Variants in ITGAV observed in about 807,000 individuals in gnomAD.
ITGAV encodes the protein integrin alpha-V.
ITGAV carries 76 observed loss-of-function variants against 143.8 expected under a neutral mutation model. That is an observed-to-expected ratio of 0.53 (90% CI 0.44 to 0.64). The LOEUF (loss-of-function observed/expected upper bound fraction) is 0.64. Among genes scored for constraint, ITGAV ranks in the 30% least tolerant of loss-of-function variants. ITGAV has a pLI of 0.00. For missense variants in ITGAV, 1,193 were observed against 1,274.7 expected, an observed-to-expected ratio of 0.94 and a Z score of 0.98; for synonymous variants, 453 against 446.7, an observed-to-expected ratio of 1.01 and a Z score of -0.18.
intron 5 of ITGAV, among the ~76,000 whole-genome samples, 176 bp downstream of exon 5, chr2:186,631,034 A>C (rs546183898): frequency 3.3e-5 from 5 of 152,272 alleles, no homozygotes; most frequent in African/African-American, 1.2e-4. Flanking sequence ...TTCCCTCCCT[A>C]GTAAACATTG....
intron 15 of ITGAV, among the ~76,000 whole-genome samples, chr2:186,652,363 A>T (rs1012493117): frequency 2.6e-5 from 4 of 152,046 alleles, no homozygotes; most frequent in African/African-American, 7.3e-5. Flanking sequence ...CTAATTTTTT[A>T]AATTTTTTTA....
At chr2:186,637,482 A>T (rs1353790158) in intron 8 of ITGAV, among the ~76,000 whole-genome samples, 1 of 16,606 alleles carries the variant, frequency 6.0e-5, no homozygotes, top group African/African-American at 3.6e-4. Flanking sequence ...ACCCTGTCTC[A>T]AAAAAAAAAA....
chr2:186,676,991 G>A (rs988546032), intron 29 of ITGAV, 56 bp downstream of exon 29: 15 of 1,562,390 alleles, frequency 9.6e-6, no homozygotes, highest in African/African-American at 1.4e-5. Context: ...AAGGGAAAGG[G>A]AAGAAGGAAA....
chr2:186,626,651 T>TA (rs1402066115), intron 4 of ITGAV, among the ~76,000 whole-genome samples: 3 of 152,218 alleles, frequency 2.0e-5, no homozygotes, highest in Non-Finnish European at 2.9e-5. Flanking sequence ...ATTATTTCAA[T>TA]AAACACTTAT....
intron 2 of ITGAV, among the ~76,000 whole-genome samples, chr2:186,620,624 A>G (rs529190066): frequency 1.2e-4 from 18 of 152,290 alleles, no homozygotes; most frequent in Non-Finnish European, 2.1e-4. Context: ...TTAGCCAGGC[A>G]TGGTGGCATG....
At chr2:186,591,671 C>T (rs554648470) in intron 1 of ITGAV, among the ~76,000 whole-genome samples, 1 of 152,302 alleles carries the variant, frequency 6.6e-6, no homozygotes, top group East Asian at 1.9e-4. Flanking sequence ...TTAGGACACT[C>T]AGCAGAATTT....
intron 1 of ITGAV, chr2:186,600,528 T>C: frequency 1.9e-6 from 2 of 1,074,594 alleles, no homozygotes; most frequent in Non-Finnish European, 2.6e-6. Context: ...CTGCTCTGTC[T>C]AAAGAAGGTC....
intron 26 of ITGAV, among the ~76,000 whole-genome samples, chr2:186,670,440 A>G (rs1245326541): frequency 6.6e-6 from 1 of 152,114 alleles, no homozygotes; most frequent in Non-Finnish European, 1.5e-5. Context: ...AGCTAGGACT[A>G]TAGGCGCTCT....
intron 14 of ITGAV, among the ~76,000 whole-genome samples, chr2:186,650,432 T>C (rs1366226198): frequency 6.6e-6 from 1 of 152,184 alleles, no homozygotes; most frequent in Non-Finnish European, 1.5e-5. Flanking sequence ...ACTCCTGGCC[T>C]GAAGTGATAC....
intron 28 of ITGAV, among the ~76,000 whole-genome samples, chr2:186,676,472 C>T (rs1215196040): frequency 1.3e-5 from 2 of 152,014 alleles, no homozygotes; most frequent in Admixed American, 1.3e-4. Context: ...GGTATAGTGG[C>T]GCAGGCCTGT....
intron 1 of ITGAV, among the ~76,000 whole-genome samples, chr2:186,599,407 TC>T (rs1686835464): frequency 6.6e-6 from 1 of 152,238 alleles, no homozygotes; most frequent in African/African-American, 2.4e-5. Flanking sequence ...AGGCAGGGCT[TC>T]AGACTACAAC....
rs1258608588 is a variant in ITGAV, at chr2:186,678,275, C to T, written c.*983C>T. The T allele has an allele frequency of 6.5e-6, 1 of 153,628 alleles. No individual in the cohort carries two copies. 9.5% of individuals were successfully genotyped at this position (153,628 alleles called of 1,614,324 possible). On this transcript the variant is annotated 3_prime_UTR_variant, in exon 30 of 30. Transcript: ENST00000261023. ...TAGTATTAATTTATTTTCCTCCATTCATGTACTTTTCCTTATATTTCCAAA... is the reference window on the plus strand; with the variant it reads ...TAGTATTAATTTATTTTCCTCCATTTATGTACTTTTCCTTATATTTCCAAA...
chr2:186,627,690 C>T (rs1320995673), intron 4 of ITGAV, among the ~76,000 whole-genome samples: 1 of 152,116 alleles, frequency 6.6e-6, no homozygotes, highest in Non-Finnish European at 1.5e-5. Flanking sequence ...GATGTGTTAT[C>T]TATAATCATC....
At chr2:186,671,311 C>G (rs958352736) in intron 26 of ITGAV, among the ~76,000 whole-genome samples, 1 of 152,112 alleles carries the variant, frequency 6.6e-6, no homozygotes, top group African/African-American at 2.4e-5. Context: ...CTTCCTGCCT[C>G]TCTGCTTGCA....
At chr2:186,639,107 A>G (rs1488891540) in intron 10 of ITGAV, among the ~76,000 whole-genome samples, 1 of 152,114 alleles carries the variant, frequency 6.6e-6, no homozygotes, top group Non-Finnish European at 1.5e-5. Flanking sequence ...TTTTTACTAC[A>G]TGAAATAAGA....
intron 12 of ITGAV, among the ~76,000 whole-genome samples, chr2:186,643,197 A>T (rs1005203195): frequency 1.6e-4 from 24 of 152,324 alleles, no homozygotes; most frequent in African/African-American, 5.8e-4. Context: ...CATTACTGTG[A>T]TCTAGCCAAC....
At chr2:186,673,965 C>T (rs965297341) in intron 26 of ITGAV, among the ~76,000 whole-genome samples, 2 of 151,952 alleles carry the variant, frequency 1.3e-5, no homozygotes, top group African/African-American at 4.8e-5. Flanking sequence ...GCCACTGTGC[C>T]TGGTCTATTT....
chr2:186,624,145 T>C (rs1351422159), intron 3 of ITGAV, among the ~76,000 whole-genome samples: 12 of 152,188 alleles, frequency 7.9e-5, no homozygotes, highest in Admixed American at 7.9e-4. Flanking sequence ...TTCCAAATTA[T>C]TTCAGTTAGT....
In ITGAV at chr2:186,668,867, G is replaced by A; in HGVS notation, c.2539G>A (p.Asp847Asn). ...GTTGTATATCCTTCATTATGATATT[G>A]ATGGACCAATGAACTGCACTTCAGA... Reference protein sequence around the residue: ...TLLYILHYDIDGPMNCTSDME... With the variant: ...TLLYILHYDINGPMNCTSDME... The change falls in exon 25 of 30, where the codon GAT becomes AAT. Residue 847 changes from aspartate (D) to asparagine (N), a missense_variant. Asp to Asn is a conservative substitution (Grantham distance 23). Transcript: ENST00000261023. 1 of 1,613,164 alleles carries A rather than the reference G, an allele frequency of 6.2e-7. No homozygotes were observed.
Sources: gnomAD v4.1 joint callset for allele counts (sites outside exome capture counted in the v4.1 genomes callset) on GRCh38, gnomAD v4.1.1 for gene constraint, MANE v1.5 for transcripts, NCBI Gene and HGNC (gene_info 2026-07-23, HGNC 2026-07-21) for gene names.